SART1: variants seen among roughly 807,000 people sequenced by gnomAD.
The protein encoded by SART1 is U4/U6.U5 tri-snRNP-associated protein 1.
Under a neutral mutation model 105.0 loss-of-function variants are expected in SART1, and 28 were observed. The ratio of observed to expected loss-of-function variants is 0.27; its 90% confidence interval spans 0.20 to 0.37. The LOEUF is 0.37. Ranked by LOEUF, SART1 falls within the 10% of genes least tolerant of loss-of-function variation. The pLI, the probability that SART1 is intolerant of heterozygous loss-of-function variation, is 1.00. For missense variants in SART1, 894 were observed against 1,106.5 expected, an observed-to-expected ratio of 0.81 and a Z score of 2.72; for synonymous variants, 472 against 462.9, an observed-to-expected ratio of 1.02 and a Z score of -0.25.
chr11:65,976,805 G>A lies in SART1; in HGVS notation c.1857+39G>A, dbSNP rs761754949. The A allele has an allele frequency of 6.0e-6, 9 of 1,495,546 alleles. No individual in the cohort carries two copies. Among genetic ancestry groups the A allele is most frequent in the African/African-American group, 2.8e-5 (2 of 72,466 alleles). The allele number at this position is 1,495,546 out of a possible 1,614,324, so 92.6% of individuals were successfully genotyped here. On this transcript the variant is annotated intron_variant, in intron 14 of 19. Coordinates refer to ENST00000312397, the MANE Select transcript of SART1 (RefSeq NM_005146.5). The surrounding 1 kb of genome is among the most constrained non-coding windows in gnomAD (Gnocchi z 5.1). Reference sequence around the variant, plus strand: ...CGCTGGGGGGTGGGCGTTTGGGGGTGCTCAAGCTGGAGATGAGCACCGGGC... The same window carrying A: ...CGCTGGGGGGTGGGCGTTTGGGGGTACTCAAGCTGGAGATGAGCACCGGGC...
chr11:65,966,390 T>C lies in SART1; in HGVS notation c.1022T>C (p.Leu341Pro), dbSNP rs1161606464. The C allele has an allele frequency of 1.6e-5, 26 of 1,613,808 alleles. No individual in the cohort carries two copies. In the East Asian group the frequency reaches 5.8e-4, roughly 36 times the overall value. ...ATCCTGTCCAAGTATGACGAAGAGC[T>C]TGAAGGGGAGCGGCCACATTCCTTC... ...RSILSKYDEE[L>P]EGERPHSFRL... Residue 341 changes from leucine to proline, a missense_variant, in exon 9 of 20, where the codon CTT (leucine) becomes CCT (proline). Transcript: ENST00000312397.
At position 65,965,189 on chromosome 11, in the gene SART1, G is replaced by A; in HGVS notation, c.525G>A (p.Lys175=). The A allele has an allele frequency of 6.2e-7, 1 of 1,607,842 alleles. No homozygotes were observed. The stretch of plus-strand genomic sequence containing the variant: ...TGCGGGAGAAGCTGGCGGCTGCCAA[G>A]GAGAAGCGCCTGCTGAACCAAAAGC... ...EELREKLAAA[K]EKRLLNQKLG... is the part of the protein sequence containing the mutation. Residue 175 remains lysine (K), a synonymous_variant, in exon 4 of 20, where the codon AAG becomes AAA. Coordinates refer to ENST00000312397, the MANE Select transcript of SART1 (RefSeq NM_005146.5).
chr11:65,964,690 C>A, intron 3 of SART1, 120 bp downstream of exon 3: 2 of 1,015,612 alleles, frequency 2.0e-6, no homozygotes, highest in Non-Finnish European at 2.8e-6. Flanking sequence ...TGCATATTTG[C>A]CGGAAGGCAT....
At chr11:65,966,259 G>C (rs763711048) in intron 8 of SART1, 41 bp downstream of exon 8, 2 of 1,613,818 alleles carry the variant, frequency 1.2e-6, no homozygotes, top group Non-Finnish European at 1.7e-6. Context: ...CTGAGGTGGA[G>C]AATGTCGGGA....
intron 12 of SART1, among the ~76,000 whole-genome samples, chr11:65,972,126 T>C (rs1331729608): frequency 6.6e-6 from 1 of 152,136 alleles, no homozygotes; most frequent in Non-Finnish European, 1.5e-5. Context: ...GTCCATCTCA[T>C]GTAGTTCATT....
In SART1 at chr11:65,966,332, G is replaced by A. The variant is rs1397647073; in HGVS notation, c.982-18G>A. On this transcript the variant is annotated intron_variant, in intron 8 of 19. Transcript: ENST00000312397. ...CAGGAGCCAGCCTGGGTCCCAACCT[G>A]TACCTCTTGCCTTGCAGCAAAAACC... 6.2e-7 allele frequency: 1 copy of A among 1,613,916 alleles called. No individual in the cohort carries two copies.
intron 15 of SART1, 82 bp from the exon 16 acceptor site, chr11:65,977,481 C>T: frequency 8.4e-7 from 1 of 1,186,894 alleles, no homozygotes; most frequent in Admixed American, 1.7e-5. Flanking sequence ...GGTGCCCCCA[C>T]AGGGCCTGCT....
intron 1 of SART1, 32 bp downstream of exon 1, chr11:65,962,125 T>TGGGGGGGGGG: frequency 1.6e-5 from 1 of 62,144 alleles, no homozygotes. Flanking sequence ...AGGGGGCGGG[T>TGGGGGGGGGG]CGGGCGGGGG....
chr11:65,974,362 ACT>A (rs1855438987), intron 12 of SART1, among the ~76,000 whole-genome samples: 1 of 102,460 alleles, frequency 9.8e-6, no homozygotes, highest in South Asian at 3.7e-4. Context: ...CAACAGTGAG[ACT>A]CTGTCTCAAA....
At chr11:65,975,216 C>G (rs1855457994) in intron 12 of SART1, among the ~76,000 whole-genome samples, 1 of 150,984 alleles carries the variant, frequency 6.6e-6, no homozygotes, top group Admixed American at 6.6e-5. Context: ...AATCCACCCA[C>G]CCCAGCCTCC....
At chr11:65,974,454 G>GTGGATCACT (rs943046775) in intron 12 of SART1, among the ~76,000 whole-genome samples, 1 of 151,868 alleles carries the variant, frequency 6.6e-6, no homozygotes, top group Admixed American at 6.6e-5. Flanking sequence ...GCTGAGGTGA[G>GTGGATCACT]TGGATCACTT....
chr11:65,965,862 C>T (rs376611219), intron 6 of SART1, 25 bp from the exon 7 acceptor site: 2 of 1,613,616 alleles, frequency 1.2e-6, no homozygotes, highest in African/African-American at 1.3e-5. Context: ...GAGGGAGGTT[C>T]CTGACTCGCC....
chr11:65,966,110 C>T lies in SART1; in HGVS notation c.873C>T (p.Asn291=), dbSNP rs371713910. 1.9e-5 allele frequency: 31 copies of T among 1,613,824 alleles called. No homozygotes were observed. Among genetic ancestry groups the T allele is most frequent in the East Asian group, 6.7e-5 (3 of 44,898 alleles). The change falls in exon 8 of 20, where the codon AAC becomes AAT. Residue 291 remains asparagine (N), a synonymous_variant. Coordinates refer to ENST00000312397, the MANE Select transcript of SART1 (RefSeq NM_005146.5). ...VLQEEEDVLV[N]VNLVDKERAE... ...AGGAGGAGGAGGACGTGCTGGTGAA[C>T]GTGAACCTGGTGGATAAGGAGCGGG... is the stretch of plus-strand genomic sequence containing the variant.
rs1394676598 is a variant in SART1, at chr11:65,961,859, G to A, written c.79G>A (p.Glu27Lys). 1 of 1,576,232 alleles carries A rather than the reference G, an allele frequency of 6.3e-7. No homozygotes were observed. Among genetic ancestry groups the A allele is most frequent in the Non-Finnish European group, 8.6e-7 (1 of 1,163,514 alleles). ...TAAAGTGGATEQPPRHREHKK... is the reference protein window; with the variant it reads ...TAAAGTGGATKQPPRHREHKK... Reference sequence around the variant, plus strand: ...GGCGGCCGGCACCGGGGGTGCCACCGAGCAGCCGCCGCGGCACCGGGAACA... The same window carrying A: ...GGCGGCCGGCACCGGGGGTGCCACCAAGCAGCCGCCGCGGCACCGGGAACA... The change falls in exon 1 of 20, where the codon GAG becomes AAG. Residue 27 changes from glutamate (E) to lysine (K), a missense_variant. Physicochemically the swap from Glu to Lys is moderately conservative, Grantham distance 56 (BLOSUM62 1). Around this residue, in one of 2 missense-constraint regions of SART1, gnomAD observed 712 missense variants for 778.2 expected, o/e 0.91. Transcript: ENST00000312397.
At chr11:65,974,090 C>T (rs866049427) in intron 12 of SART1, among the ~76,000 whole-genome samples, 2 of 148,672 alleles carry the variant, frequency 1.3e-5, no homozygotes, top group South Asian at 4.3e-4. Flanking sequence ...CCGCTGGGTG[C>T]GGTGGCTCAC....
intron 12 of SART1, among the ~76,000 whole-genome samples, chr11:65,968,832 C>G (rs1855313445): frequency 1.3e-5 from 2 of 152,300 alleles, no homozygotes; most frequent in South Asian, 2.1e-4. Flanking sequence ...ACCCCATGGT[C>G]GTCGCTGCCC....
intron 1 of SART1, among the ~76,000 whole-genome samples, chr11:65,962,487 A>G (rs1225608003): frequency 6.6e-6 from 1 of 152,264 alleles, no homozygotes; most frequent in African/African-American, 2.4e-5. Flanking sequence ...GTCAGCATAT[A>G]CAGAGGCAAG....
chr11:65,979,235 T>C lies in SART1; in HGVS notation c.*205T>C, dbSNP rs2134925878. ...GAAGAGAGAGCGAGCCCGGGTCCTC[T>C]AAGGCTCCTTCCTTCTCCCCTGGCT... On this transcript the variant is annotated 3_prime_UTR_variant, in exon 20 of 20. Coordinates refer to ENST00000312397, the MANE Select transcript of SART1 (RefSeq NM_005146.5). 2 of 654,890 alleles carry C rather than the reference T, an allele frequency of 3.1e-6. No homozygotes were observed. Among genetic ancestry groups the C allele is most frequent in the Middle Eastern group, 4.1e-4 (1 of 2,458 alleles). 40.6% of individuals were successfully genotyped at this position (654,890 alleles called of 1,614,324 possible). A position where few individuals can be genotyped will look rare whatever the true frequency, so the allele number is the denominator to read the frequency against.
chr11:65,965,761 G>C lies in SART1; in HGVS notation c.720G>C (p.Glu240Asp), dbSNP rs765789161. Residue 240 changes from glutamate (E) to aspartate (D), a missense_variant, in exon 6 of 20, where the codon GAG (glutamate) becomes GAC (aspartate). Glu to Asp is a conservative substitution (Grantham distance 45, BLOSUM62 2). Transcript: ENST00000312397. ...EFGVSTLVEEEFGQRRQDLYS... is the reference protein window; with the variant it reads ...EFGVSTLVEEDFGQRRQDLYS... ...GTGTCAGCACTCTGGTGGAGGAGGA[G>C]TTCGGGCAGAGGCGGCAGGTGAGGC... 2.5e-6 allele frequency: 4 copies of C among 1,614,112 alleles called. No individual in the cohort carries two copies. The South Asian group carries it at 4.4e-5, about 18-fold the overall frequency.
Sources: gnomAD v4.1 joint callset for allele counts (sites outside exome capture counted in the v4.1 genomes callset) on GRCh38, gnomAD v4.1.1 for gene constraint, gnomAD v4.1.1 regional missense constraint, Gnocchi (gnomAD v3.1) non-coding constraint, MANE v1.5 for transcripts, NCBI Gene and HGNC (gene_info 2026-07-23, HGNC 2026-07-21) for gene names.